Variants in CFAP43 observed in about 807,000 individuals in gnomAD.
CFAP43 encodes the protein cilia and flagella associated protein 43.
CFAP43 carries 155 observed loss-of-function variants against 218.9 expected under a neutral mutation model. That is an observed-to-expected ratio of 0.71 (90% CI 0.62 to 0.81). The LOEUF (loss-of-function observed/expected upper bound fraction) is 0.81, where lower values mean the gene tolerates loss of function less well. CFAP43 is among the 30% of genes least tolerant of loss of function. CFAP43 has a pLI of 0.00. For synonymous variants in CFAP43, 645 were observed against 681.3 expected (o/e 0.95, Z 0.83); for missense variants, 1,778 against 1,954.3 (o/e 0.91, Z 1.70).
At chr10:104,164,851 T>G (rs941020632) in intron 23 of CFAP43, among the ~76,000 whole-genome samples, 18 of 152,180 alleles carry the variant, frequency 1.2e-4, no homozygotes, top group African/African-American at 4.3e-4. Context: ...CTTCCTGAAA[T>G]GTAAATTGTA....
intron 3 of CFAP43, among the ~76,000 whole-genome samples, chr10:104,214,896 G>A (rs764182519): frequency 3.3e-5 from 5 of 152,198 alleles, no homozygotes; most frequent in African/African-American, 4.8e-5. Flanking sequence ...CCAGCACTTT[G>A]GGAGGCCAAA....
Position 104,207,787 on chromosome 10 carries a change from A to C in CFAP43, c.773T>G (p.Met258Arg), listed in dbSNP as rs772117690. ...GTCACTTGTTGGAGTCCAGCAATGC[A>C]TAGTCGGGTGAAGCAAAGGATATAG... Reference protein sequence around the residue: ...DDLYPLLHPTMHCWTPTSDLY... With the variant: ...DDLYPLLHPTRHCWTPTSDLY... The change falls in exon 6 of 38, where the codon ATG (methionine) becomes AGG (arginine). Residue 258 changes from methionine (M) to arginine (R), a missense_variant. Coordinates refer to ENST00000357060, the MANE Select transcript of CFAP43 (RefSeq NM_025145.7). The C allele has an allele frequency of 1.2e-6, 2 of 1,614,092 alleles. No homozygotes were observed. The highest frequency in any genetic ancestry group is 1.7e-6 in the Non-Finnish European group (2 of 1,179,996).
intron 8 of CFAP43, among the ~76,000 whole-genome samples, chr10:104,200,715 A>G (rs1020098855): frequency 3.3e-5 from 5 of 151,048 alleles, no homozygotes; most frequent in African/African-American, 1.2e-4. Flanking sequence ...GGAAATGAGG[A>G]AACTACCCAT....
chr10:104,179,774 G>A, intron 18 of CFAP43, 66 bp downstream of exon 18: 2 of 1,228,770 alleles, frequency 1.6e-6, no homozygotes, highest in Non-Finnish European at 2.3e-6. Context: ...GGTTTCCATA[G>A]GAAACTAATC....
intron 3 of CFAP43, among the ~76,000 whole-genome samples, chr10:104,220,560 C>T (rs2091148424): frequency 6.6e-6 from 1 of 150,700 alleles, no homozygotes; most frequent in South Asian, 2.1e-4. Flanking sequence ...TAAGTTTAGG[C>T]AAGTAGCTAT....
chr10:104,151,600 T>C (rs1289976834), intron 28 of CFAP43, among the ~76,000 whole-genome samples: 1 of 152,226 alleles, frequency 6.6e-6, no homozygotes, highest in East Asian at 1.9e-4. Flanking sequence ...GGGTTGTTTT[T>C]TTTCTTGTAA....
At chr10:104,203,341 A>G (rs1276279006) in intron 8 of CFAP43, 4 of 295,844 alleles carry the variant, frequency 1.4e-5, no homozygotes, top group African/African-American at 2.1e-5. Flanking sequence ...GCTACATATA[A>G]CTGTTAACAC....
intron 23 of CFAP43, among the ~76,000 whole-genome samples, chr10:104,165,992 C>T (rs775674815): frequency 3.3e-5 from 5 of 152,198 alleles, no homozygotes; most frequent in Non-Finnish European, 7.3e-5. Flanking sequence ...TCCAAATGGT[C>T]GAACGCAACT....
At chr10:104,131,062 A>T (rs1282691349) in intron 37 of CFAP43, among the ~76,000 whole-genome samples, 1 of 149,908 alleles carries the variant, frequency 6.7e-6, no homozygotes, top group African/African-American at 2.5e-5. Context: ...GGAGGCAGGG[A>T]GGGAGGAAGG....
intron 28 of CFAP43, among the ~76,000 whole-genome samples, chr10:104,150,126 T>C (rs1383550875): frequency 6.6e-6 from 1 of 152,220 alleles, no homozygotes; most frequent in Non-Finnish European, 1.5e-5. Context: ...GCACATTCCT[T>C]TTTATTGTGG....
At chr10:104,144,270 T>C (rs952661362) in intron 31 of CFAP43, among the ~76,000 whole-genome samples, 4 of 152,218 alleles carry the variant, frequency 2.6e-5, no homozygotes, top group African/African-American at 9.6e-5. Flanking sequence ...AGAAAGCTTG[T>C]GCTTTTCCCA....
intron 3 of CFAP43, among the ~76,000 whole-genome samples, chr10:104,214,703 C>T (rs1256325192): frequency 6.6e-6 from 1 of 152,112 alleles, no homozygotes; most frequent in Non-Finnish European, 1.5e-5. Context: ...CTCAGCCAAA[C>T]CTAGAAAATG....
intron 14 of CFAP43, among the ~76,000 whole-genome samples, chr10:104,186,970 C>T (rs1181539364): frequency 6.6e-6 from 1 of 152,196 alleles, no homozygotes; most frequent in Non-Finnish European, 1.5e-5. Context: ...GGCTTAGATG[C>T]AAAGTTCCAC....
intron 28 of CFAP43, 73 bp downstream of exon 28, chr10:104,152,534 G>T (rs1006311238): frequency 2.5e-6 from 4 of 1,588,404 alleles, no homozygotes; most frequent in East Asian, 4.5e-5. Context: ...TAAGGATGTT[G>T]ATCTTCATCC....
intron 30 of CFAP43, 70 bp from the exon 31 acceptor site, chr10:104,145,634 T>A: frequency 9.9e-7 from 1 of 1,013,502 alleles, no homozygotes; most frequent in Non-Finnish European, 1.5e-6. Flanking sequence ...ACAATACTCT[T>A]CAAAATACAG....
Position 104,168,845 on chromosome 10 carries a change from T to C in CFAP43, c.2590A>G (p.Ile864Val), listed in dbSNP as rs746898477. The C allele has an allele frequency of 5.0e-5, 80 of 1,608,532 alleles. No homozygotes were observed. In the East Asian group the frequency reaches 1.7e-3, roughly 34 times the overall value. ...DESQEEVAKM[I>V]KDVEMHNLAK... ...AAGTTATGCATCTCTACATCCTTTA[T>C]CATCTTGAAGAACACAGACAAAGGG... Residue 864 changes from isoleucine to valine, a missense_variant, in exon 21 of 38, where the codon ATA becomes GTA. Transcript: ENST00000357060.
chr10:104,218,729 G>C (rs2091091392), intron 3 of CFAP43: 4 of 518,148 alleles, frequency 7.7e-6, no homozygotes, highest in Non-Finnish European at 1.6e-5. Flanking sequence ...CAGAAGGTTT[G>C]TGCCCTTCCC....
intron 34 of CFAP43, among the ~76,000 whole-genome samples, chr10:104,136,276 A>AAAGAAG (rs529233077): frequency 3.7e-5 from 5 of 134,050 alleles, no homozygotes; most frequent in African/African-American, 1.5e-4. Flanking sequence ...AAAAAAAAAA[A>AAAGAAG]AAGAAGAAAA....
At position 104,188,306 on chromosome 10, in the gene CFAP43, A is replaced by G. The variant is rs750927342; in HGVS notation, c.1651T>C (p.Leu551=). The G allele has an allele frequency of 1.2e-5, 20 of 1,614,092 alleles. No individual in the cohort carries two copies. Among genetic ancestry groups the G allele is most frequent in the East Asian group, 2.2e-5 (1 of 44,872 alleles). The change falls in exon 13 of 38, where the codon TTG becomes CTG. Residue 551 remains leucine, a synonymous_variant. Coordinates refer to ENST00000357060, the MANE Select transcript of CFAP43 (RefSeq NM_025145.7). ...SSLPEAGRSR[L]EMFTLPTLLP... ...AATGTAGGCAGTGTGAACATCTCCA[A>G]CCTGCTTCTCCCTGCTTCTGGAAGC...
Sources: allele counts gnomAD v4.1 joint callset (sites outside exome capture counted in the v4.1 genomes callset), GRCh38; gene constraint gnomAD v4.1.1; transcripts MANE v1.5; gene names NCBI Gene and HGNC (gene_info 2026-07-23, HGNC 2026-07-21).